The following EHBP1 variants were observed in gnomAD, a reference collection of about 807,000 sequenced individuals.
EHBP1 encodes EH domain binding protein 1.
EHBP1 carries 55 observed loss-of-function variants against 144.0 expected under a neutral mutation model. That is an observed-to-expected ratio of 0.38 (90% CI 0.31 to 0.48). The LOEUF (loss-of-function observed/expected upper bound fraction) is 0.48. Among genes scored for constraint, EHBP1 ranks in the 20% least tolerant of loss-of-function variants. EHBP1 has a pLI of 0.98. For synonymous variants in EHBP1, 469 were observed against 472.7 expected (o/e 0.99, Z 0.10); for missense variants, 1,200 against 1,364.2 (o/e 0.88, Z 1.90).
intron 10 of EHBP1, among the ~76,000 whole-genome samples, chr2:62,935,704 T>C (rs1474101258): frequency 6.6e-6 from 1 of 152,166 alleles, no homozygotes; most frequent in Non-Finnish European, 1.5e-5. Context: ...CTGACCTTAA[T>C]GTACCAGCTG....
chr2:62,739,701 G>A lies in EHBP1; in HGVS notation c.105-7694G>A, dbSNP rs1049996254. ...TGCATGCCTGTGATTCCAACACTTT[G>A]GGAGGCTGAGGCAGGAGGATCACTT... On this transcript the variant is annotated intron_variant, in intron 2 of 22. Transcript: ENST00000431489. Among the ~76,000 whole-genome samples the A allele has an allele frequency of 2.0e-5, 3 of 151,992 alleles. 1 individual carries two copies. The highest frequency in any genetic ancestry group is 4.4e-5 in the Non-Finnish European group (3 of 67,992).
chr2:62,699,969 A>G (rs12613453), intron 1 of EHBP1, among the ~76,000 whole-genome samples: 14,129 of 152,276 alleles, frequency 0.093, 844 homozygotes, highest in Non-Finnish European at 0.13. Flanking sequence ...TTAGTATACA[A>G]CTGAGGTCCT....
At chr2:62,988,957 C>T (rs1369611923) in intron 15 of EHBP1, among the ~76,000 whole-genome samples, 1 of 152,128 alleles carries the variant, frequency 6.6e-6, no homozygotes, top group Non-Finnish European at 1.5e-5. Context: ...CTTCAATAAA[C>T]AGGTGACCAG....
At position 62,990,699 on chromosome 2, in the gene EHBP1, A is replaced by G. The variant is rs2059379620; in HGVS notation, c.2609-17A>G. 1.2e-6 allele frequency: 2 copies of G among 1,612,774 alleles called. No individual in the cohort carries two copies. The highest frequency in any genetic ancestry group is 3.3e-5 in the Admixed American group (2 of 59,896). On this transcript the variant is annotated splice_polypyrimidine_tract_variant and intron_variant, in intron 15 of 22. Transcript: ENST00000431489. ...TGCATCTCACTCAGTTATTCATGGTATTTGCATATTTAACAGAACAAAACA... is the reference window on the plus strand; with the variant it reads ...TGCATCTCACTCAGTTATTCATGGTGTTTGCATATTTAACAGAACAAAACA...
chr2:62,953,268 A>G lies in EHBP1; in HGVS notation c.2317-2249A>G, dbSNP rs116341122. ...GTATAATAAAAATTTACTTCTAAAG[A>G]TATTCATAAAAGCATTATTTATGAT... On this transcript the variant is annotated intron_variant, in intron 13 of 22. Coordinates refer to ENST00000431489, the MANE Select transcript of EHBP1 (RefSeq NM_001142616.3). Among the ~76,000 whole-genome samples the G allele has an allele frequency of 7.3e-3, 1,108 of 151,288 alleles. 4 individuals carry two copies. Among genetic ancestry groups the G allele is most frequent in the Non-Finnish European group, 0.011 (720 of 67,746 alleles).
intron 19 of EHBP1, among the ~76,000 whole-genome samples, chr2:63,013,970 A>G (rs2060379781): frequency 6.6e-6 from 1 of 152,212 alleles, no homozygotes; most frequent in South Asian, 2.1e-4. Context: ...ATAAAAGATG[A>G]ATGATTCTGT....
At chr2:62,852,981 T>C (rs2048787547) in intron 7 of EHBP1, among the ~76,000 whole-genome samples, 1 of 152,176 alleles carries the variant, frequency 6.6e-6, no homozygotes, top group Non-Finnish European at 1.5e-5. Flanking sequence ...ATTAATTGCG[T>C]TTACTTTCTG....
rs2059374551 is a variant in EHBP1 at position 62,990,573 on chromosome 2, T to G, written c.2609-143T>G. 5.0e-6 allele frequency: 4 copies of G among 804,362 alleles called. No homozygotes were observed. The African/African-American group carries it at 5.3e-5, about 11-fold the overall frequency. The allele number at this position is 804,362 out of a possible 1,614,324, so 49.8% of individuals were successfully genotyped here. On this transcript the variant is annotated intron_variant, in intron 15 of 22. Coordinates refer to ENST00000431489, the MANE Select transcript of EHBP1 (RefSeq NM_001142616.3). ...TGGGGGAATATATATATGTAAAGGATTTTTCATGTGTCTAATCTACTAATA... is the reference window on the plus strand; with the variant it reads ...TGGGGGAATATATATATGTAAAGGAGTTTTCATGTGTCTAATCTACTAATA...
intron 5 of EHBP1, among the ~76,000 whole-genome samples, chr2:62,802,883 C>A (rs2044130295): frequency 6.6e-6 from 1 of 152,084 alleles, no homozygotes; most frequent in African/African-American, 2.4e-5. Flanking sequence ...CACCACCACG[C>A]CCAACTAATT....
rs145069661 is a variant in EHBP1, at chr2:62,807,074, G to A, written c.313-19013G>A. Among the ~76,000 whole-genome samples the A allele has an allele frequency of 3.0e-3, 460 of 152,200 alleles. 2 individuals carry two copies. Among genetic ancestry groups the A allele is most frequent in the Non-Finnish European group, 4.9e-3 (335 of 68,000 alleles). Reference sequence around the variant, plus strand: ...TGTTTTCAATTTGCATTTTGTTGCAGATATGAAACCCACTGACACTGAGGG... The same window carrying A: ...TGTTTTCAATTTGCATTTTGTTGCAAATATGAAACCCACTGACACTGAGGG... On this transcript the variant is annotated intron_variant, in intron 5 of 22. Coordinates refer to ENST00000431489, the MANE Select transcript of EHBP1 (RefSeq NM_001142616.3).
intron 5 of EHBP1, among the ~76,000 whole-genome samples, chr2:62,777,916 C>T (rs2042156469): frequency 6.6e-6 from 1 of 152,126 alleles, no homozygotes; most frequent in Non-Finnish European, 1.5e-5. Context: ...AGAGGAAAAA[C>T]AAAACCAACA....
intron 6 of EHBP1, 23 bp downstream of exon 6, chr2:62,826,291 G>A (rs746524590): frequency 6.4e-7 from 1 of 1,574,540 alleles, no homozygotes; most frequent in Admixed American, 1.8e-5. Context: ...TGTCAAATAA[G>A]CTTCCTTACA....
At chr2:62,947,013 C>G (rs1182201528) in intron 12 of EHBP1, among the ~76,000 whole-genome samples, 2 of 152,090 alleles carry the variant, frequency 1.3e-5, no homozygotes, top group Non-Finnish European at 2.9e-5. Context: ...AGAATACTGC[C>G]TGTGGTGCTT....
chr2:62,819,788 G>A (rs939730861), intron 5 of EHBP1, among the ~76,000 whole-genome samples: 2 of 149,596 alleles, frequency 1.3e-5, no homozygotes, highest in Non-Finnish European at 3.0e-5. Flanking sequence ...AAAAAAACCC[G>A]CGACAACCCA....
At chr2:62,943,956 A>C in intron 12 of EHBP1, 106 bp downstream of exon 12, 1 of 717,058 alleles carries the variant, frequency 1.4e-6, no homozygotes, top group South Asian at 2.1e-5. Context: ...CATAACTACA[A>C]CTCACAGAGG....
chr2:62,791,962 T>A (rs2043191352), intron 5 of EHBP1, among the ~76,000 whole-genome samples: 1 of 152,054 alleles, frequency 6.6e-6, no homozygotes, highest in Non-Finnish European at 1.5e-5. Context: ...CTTGTTCTCT[T>A]CATATCGCTA....
chr2:63,032,145 TAACGGGTGC>T (rs1042229197), intron 19 of EHBP1, among the ~76,000 whole-genome samples: 2 of 151,438 alleles, frequency 1.3e-5, no homozygotes, highest in African/African-American at 4.9e-5. Flanking sequence ...AATGACGAGT[TAACGGGTGC>T]AGCACACCAA....
intron 1 of EHBP1, among the ~76,000 whole-genome samples, chr2:62,691,551 A>T (rs2033905452): frequency 6.6e-6 from 1 of 152,194 alleles, no homozygotes; most frequent in Non-Finnish European, 1.5e-5. Context: ...TCTAGAGAAG[A>T]AAAAAGGAGA....
chr2:62,875,419 T>A (rs1317183477), intron 10 of EHBP1, among the ~76,000 whole-genome samples: 3 of 152,140 alleles, frequency 2.0e-5, no homozygotes, highest in Non-Finnish European at 4.4e-5. Flanking sequence ...ACAAAGCCAG[T>A]CATCTGAACA....
Sources: gnomAD v4.1 joint callset for allele counts (sites outside exome capture counted in the v4.1 genomes callset) on GRCh38, gnomAD v4.1.1 for gene constraint, MANE v1.5 for transcripts, NCBI Gene and HGNC (gene_info 2026-07-23, HGNC 2026-07-21) for gene names.